SMIM7: variants seen among roughly 807,000 people sequenced by gnomAD.
The protein encoded by SMIM7 is UPF0608 protein C19orf42.
SMIM7 carries 12 observed loss-of-function variants against 13.3 expected under a neutral mutation model. The observed-to-expected ratio is 0.90, with a 90% CI of 0.58 to 1.46. The LOEUF (loss-of-function observed/expected upper bound fraction) is 1.46. Among genes scored for constraint, SMIM7 ranks in the 40% most tolerant of loss-of-function variants. The pLI, the probability that SMIM7 is intolerant of heterozygous loss-of-function variation, is 0.00. For synonymous variants in SMIM7, 36 were observed against 35.8 expected, an observed-to-expected ratio of 1.01 and a Z score of -0.02; for missense variants, 114 against 94.8, an observed-to-expected ratio of 1.20 and a Z score of -0.84.
At position 16,660,101 on chromosome 19, in the gene SMIM7, C is replaced by T. The variant is rs974013292; in HGVS notation, c.10G>A (p.Asp4Asn). The T allele has an allele frequency of 1.2e-6, 2 of 1,614,204 alleles. No homozygotes were observed. The highest frequency in any genetic ancestry group is 1.7e-6 in the Non-Finnish European group (2 of 1,180,034). Reference sequence around the variant, plus strand: ...CCTAATTACCCGAACAGCAGGATGTCTCCGATCATCGTTACGGCCGAAGCG... The same window carrying T: ...CCTAATTACCCGAACAGCAGGATGTTTCCGATCATCGTTACGGCCGAAGCG... Reference protein sequence around the residue: MIGDILLFGTLLMN... With the variant: MIGNILLFGTLLMN... Residue 4 changes from aspartate to asparagine, a missense_variant, in exon 1 of 5, where the codon GAC (aspartate) becomes AAC (asparagine). Physicochemically the swap from Asp to Asn is conservative, Grantham distance 23. Transcript: ENST00000487416.
At chr19:16,653,329 T>C (rs1450921242) in intron 4 of SMIM7, among the ~76,000 whole-genome samples, 1 of 152,178 alleles carries the variant, frequency 6.6e-6, no homozygotes, top group Non-Finnish European at 1.5e-5. Flanking sequence ...ACATCTGTAA[T>C]CTCAGCACTT....
chr19:16,655,053 C>T (rs2086578692), intron 3 of SMIM7, among the ~76,000 whole-genome samples: 1 of 152,140 alleles, frequency 6.6e-6, no homozygotes. Context: ...ACCCTAACCC[C>T]AACTCCAACC....
chr19:16,641,865 G>T (rs2086406705), downstream of SMIM7, among the ~76,000 whole-genome samples: 2 of 152,180 alleles, frequency 1.3e-5, no homozygotes, highest in Admixed American at 1.3e-4. Flanking sequence ...ACAGTTGTGA[G>T]CCACCGCACC....
downstream of SMIM7, among the ~76,000 whole-genome samples, chr19:16,643,437 T>C (rs1021062162): frequency 6.6e-6 from 1 of 152,236 alleles, no homozygotes; most frequent in Non-Finnish European, 1.5e-5. Flanking sequence ...GGGGTCTCAC[T>C]GTGTCACTCA....
At chr19:16,651,885 G>C (rs1475638316) in intron 4 of SMIM7, among the ~76,000 whole-genome samples, 1 of 139,322 alleles carries the variant, frequency 7.2e-6, no homozygotes, top group African/African-American at 2.7e-5. Context: ...CTTCTTCCCT[G>C]CCCCAGGACC....
In SMIM7 at chr19:16,660,132, C is replaced by T. The variant is rs777757048; in HGVS notation, c.-22G>A. 1.1e-5 allele frequency: 18 copies of T among 1,614,050 alleles called. No individual in the cohort carries two copies. The Middle Eastern group carries it at 1.8e-3, about 163-fold the overall frequency. On this transcript the variant is annotated 5_prime_UTR_variant, in exon 1 of 5. Transcript: ENST00000487416. The stretch of plus-strand genomic sequence containing the variant: ...TCATCGTTACGGCCGAAGCGTCCGT[C>T]AGAACCGGAAGCGGAAGCCCCAGGG...
chr19:16,651,472 ACT>A (rs1269556783), intron 4 of SMIM7, among the ~76,000 whole-genome samples: 1 of 152,252 alleles, frequency 6.6e-6, no homozygotes, highest in African/African-American at 2.4e-5. Context: ...GGTCAATCAG[ACT>A]CTGCCCCAGG....
intron 4 of SMIM7, among the ~76,000 whole-genome samples, chr19:16,650,620 G>C (rs2086511933): frequency 6.6e-6 from 1 of 151,074 alleles, no homozygotes; most frequent in Non-Finnish European, 1.5e-5. Flanking sequence ...TGAGGCAGGA[G>C]AATCACTTGA....
At chr19:16,639,313 G>T (rs1270692896) in intron 4 of SMIM7, among the ~76,000 whole-genome samples, 1 of 151,804 alleles carries the variant, frequency 6.6e-6, no homozygotes, top group Admixed American at 6.6e-5. Context: ...TAGTAGAGAC[G>T]GGGTTTCACC....
chr19:16,646,893 C>T lies in SMIM7; in HGVS notation c.*353G>A, dbSNP rs1298355282. 3.1e-5 allele frequency: 10 copies of T among 327,350 alleles called. No homozygotes were observed. The highest frequency in any genetic ancestry group is 8.6e-5 in the African/African-American group (4 of 46,648). The allele number at this position is 327,350 out of a possible 1,614,324, so 20.3% of individuals were successfully genotyped here. Reference sequence around the variant, plus strand: ...AAGTAACACTGAATGTCCAAAAATACGGCTGTGTTAAACTAACAAGCCAAT... The same window carrying T: ...AAGTAACACTGAATGTCCAAAAATATGGCTGTGTTAAACTAACAAGCCAAT... On this transcript the variant is annotated 3_prime_UTR_variant, in exon 5 of 5. Coordinates refer to ENST00000487416, the MANE Select transcript of SMIM7 (RefSeq NM_024104.4).
chr19:16,634,067 T>C (rs2086340716), intron 4 of SMIM7: 1 of 152,242 alleles, frequency 6.6e-6, no homozygotes. Flanking sequence ...ATGGCTAATC[T>C]AAAGTGAGCT....
intron 4 of SMIM7, 23 bp from the exon 5 acceptor site, chr19:16,647,284 A>C (rs924052037): frequency 6.2e-7 from 1 of 1,613,736 alleles, no homozygotes; most frequent in African/African-American, 1.3e-5. Flanking sequence ...GAGGGCAGAA[A>C]TGTCTGTGAG....
At chr19:16,659,637 G>A in intron 2 of SMIM7, 190 bp from the exon 3 acceptor site, 1 of 678,462 alleles carries the variant, frequency 1.5e-6, no homozygotes, top group East Asian at 2.7e-5. Context: ...CAGGTCAGCA[G>A]CCACCGACCG....
chr19:16,643,218 A>C (rs1469190311), downstream of SMIM7, among the ~76,000 whole-genome samples: 2 of 152,224 alleles, frequency 1.3e-5, no homozygotes, highest in East Asian at 3.8e-4. Flanking sequence ...GAAGATACTA[A>C]GATAACACTG....
intron 4 of SMIM7, chr19:16,653,799 G>T: frequency 2.0e-6 from 1 of 493,098 alleles, no homozygotes; most frequent in Non-Finnish European, 3.6e-6. Flanking sequence ...GGAGGCTGAG[G>T]CAGGAGAATC....
downstream of SMIM7, among the ~76,000 whole-genome samples, chr19:16,641,664 T>C (rs2086404938): frequency 6.6e-6 from 1 of 152,016 alleles, no homozygotes; most frequent in South Asian, 2.1e-4. Context: ...AGTGGAAAAA[T>C]CTCGGCTCAC....
intron 4 of SMIM7, among the ~76,000 whole-genome samples, chr19:16,649,736 CAACT>C (rs1489685991): frequency 6.6e-6 from 1 of 152,086 alleles, no homozygotes; most frequent in Non-Finnish European, 1.5e-5. Flanking sequence ...AACTGTCCAC[CAACT>C]GACAGATGGA....
At chr19:16,653,681 G>A (rs1219306910) in intron 4 of SMIM7, 2 of 243,340 alleles carry the variant, frequency 8.2e-6, no homozygotes, top group African/African-American at 2.3e-5. Flanking sequence ...GAATCACAAG[G>A]TCAGGAGATC....
chr19:16,632,568 C>T (rs2086329843), intron 4 of SMIM7, among the ~76,000 whole-genome samples: 1 of 141,124 alleles, frequency 7.1e-6, no homozygotes, highest in Non-Finnish European at 1.5e-5. Context: ...GGCAGAGTCT[C>T]GCTTTGTTGC....
Sources: gnomAD v4.1 joint callset for allele counts (sites outside exome capture counted in the v4.1 genomes callset) on GRCh38, gnomAD v4.1.1 for gene constraint, MANE v1.5 for transcripts, NCBI Gene and HGNC (gene_info 2026-07-23, HGNC 2026-07-21) for gene names.